RNF150: variants seen among roughly 807,000 people sequenced by gnomAD.
The protein encoded by RNF150 is ring finger protein 150.
In RNF150, 24 loss-of-function variants were observed where a neutral mutation model predicts 39.3. That is an observed-to-expected ratio of 0.61 (90% CI 0.44 to 0.86). RNF150 has a LOEUF of 0.86. RNF150 is among the 40% of genes least tolerant of loss of function. The pLI is 0.00. For synonymous variants in RNF150, 255 were observed against 227.3 expected, an observed-to-expected ratio of 1.12 and a Z score of -1.10; for missense variants, 502 against 587.8, an observed-to-expected ratio of 0.85 and a Z score of 1.51.
At chr4:141,034,771 CACA>C (rs1163981962) in intron 1 of RNF150, among the ~76,000 whole-genome samples, 1 of 152,090 alleles carries the variant, frequency 6.6e-6, no homozygotes, top group Non-Finnish European at 1.5e-5. Flanking sequence ...AGTCAGAAGA[CACA>C]ACATTTACCA....
chr4:141,015,316 T>C (rs1735229361), intron 1 of RNF150, among the ~76,000 whole-genome samples: 1 of 152,222 alleles, frequency 6.6e-6, no homozygotes, highest in Admixed American at 6.5e-5. Context: ...TATGATTCCA[T>C]ATGAATTTAA....
intron 5 of RNF150, among the ~76,000 whole-genome samples, chr4:140,916,489 T>C (rs1272094777): frequency 6.6e-6 from 1 of 151,840 alleles, no homozygotes; most frequent in Non-Finnish European, 1.5e-5. Flanking sequence ...AAGAGAAGTT[T>C]AGAGAAAAAA....
chr4:141,190,144 C>A (rs559369597), intron 1 of RNF150, among the ~76,000 whole-genome samples: 13 of 152,288 alleles, frequency 8.5e-5, no homozygotes, highest in African/African-American at 3.1e-4. Context: ...TGCTTGCCCT[C>A]CAGGGGCTGT....
chr4:140,973,748 G>A (rs1733554311), intron 1 of RNF150, among the ~76,000 whole-genome samples: 1 of 151,578 alleles, frequency 6.6e-6, no homozygotes, highest in South Asian at 2.1e-4. Flanking sequence ...ATGGTGGCGT[G>A]TGCCTGTAAT....
intron 1 of RNF150, among the ~76,000 whole-genome samples, chr4:141,010,409 A>G (rs6831686): frequency 0.88 from 134,083 of 152,184 alleles, 59,517 homozygotes; most frequent in East Asian, 1. Flanking sequence ...CTTATGCCAA[A>G]GGTTTTATTT....
chr4:141,091,125 A>T (rs1370077490), intron 1 of RNF150, among the ~76,000 whole-genome samples: 1 of 152,208 alleles, frequency 6.6e-6, no homozygotes, highest in Non-Finnish European at 1.5e-5. Context: ...GGAGAAACAC[A>T]GTTTGAATTC....
chr4:140,987,375 G>C (rs1734049955), intron 1 of RNF150, among the ~76,000 whole-genome samples: 1 of 151,942 alleles, frequency 6.6e-6, no homozygotes, highest in Non-Finnish European at 1.5e-5. Context: ...TATACTACAA[G>C]GTTACAGTAC....
chr4:140,899,409 C>A (rs1730087228), intron 6 of RNF150, among the ~76,000 whole-genome samples: 1 of 152,208 alleles, frequency 6.6e-6, no homozygotes, highest in African/African-American at 2.4e-5. Flanking sequence ...CATTTGTAGG[C>A]AGGCAGAGTC....
At chr4:140,955,297 T>C (rs1732707474) in intron 2 of RNF150, among the ~76,000 whole-genome samples, 1 of 152,204 alleles carries the variant, frequency 6.6e-6, no homozygotes, top group Non-Finnish European at 1.5e-5. Flanking sequence ...CATAAATCTG[T>C]TTGTGAGCAC....
intron 6 of RNF150, among the ~76,000 whole-genome samples, chr4:140,884,451 C>T (rs973748968): frequency 6.6e-5 from 10 of 152,142 alleles, no homozygotes; most frequent in African/African-American, 7.2e-5. Flanking sequence ...ACAGGTAGTT[C>T]GCCAACCAGC....
intron 6 of RNF150, 136 bp downstream of exon 6, chr4:140,911,008 G>T: frequency 1.4e-6 from 1 of 707,054 alleles, no homozygotes. Flanking sequence ...TCTAACAGCT[G>T]GCAGTTATAA....
chr4:140,912,104 T>C (rs1730630969), intron 5 of RNF150, among the ~76,000 whole-genome samples: 1 of 152,212 alleles, frequency 6.6e-6, no homozygotes, highest in South Asian at 2.1e-4. Flanking sequence ...CAATGGGAGC[T>C]CTCTGCTTTG....
At chr4:141,022,993 T>C (rs1231909534) in intron 1 of RNF150, among the ~76,000 whole-genome samples, 1 of 152,180 alleles carries the variant, frequency 6.6e-6, no homozygotes, top group Non-Finnish European at 1.5e-5. Flanking sequence ...ATCTGATCCT[T>C]AGTAGATAAA....
intron 5 of RNF150, among the ~76,000 whole-genome samples, chr4:140,915,936 G>A (rs925356696): frequency 6.6e-6 from 1 of 152,154 alleles, no homozygotes; most frequent in Non-Finnish European, 1.5e-5. Context: ...AGGCAAACAG[G>A]GTCTGGAGTG....
chr4:141,091,635 G>A (rs1013209605), intron 1 of RNF150, among the ~76,000 whole-genome samples: 6 of 152,290 alleles, frequency 3.9e-5, no homozygotes, highest in African/African-American at 1.4e-4. Context: ...GTACACAGGA[G>A]GGGGATCAAG....
At chr4:140,875,162 C>CTT (rs1560943059) in intron 6 of RNF150, among the ~76,000 whole-genome samples, 9 of 141,616 alleles carry the variant, frequency 6.4e-5, no homozygotes, top group African/African-American at 2.5e-4. Flanking sequence ...ACAATCATTA[C>CTT]GTTTTTTTTT....
chr4:140,910,491 A>T (rs1451781513), intron 6 of RNF150, among the ~76,000 whole-genome samples: 1 of 152,188 alleles, frequency 6.6e-6, no homozygotes, highest in African/African-American at 2.4e-5. Flanking sequence ...CAAACAGAAC[A>T]GCATTTAGTG....
In RNF150 at chr4:141,113,337, TAA is replaced by T. The variant is rs35017497; in HGVS notation, c.484+18986_484+18987del. Among the ~76,000 whole-genome samples the T allele has an allele frequency of 7.5e-3, 1,045 of 138,934 alleles. 3 individuals are homozygous for T. Among genetic ancestry groups the T allele is most frequent in the African/African-American group, 8.8e-3 (328 of 37,192 alleles). The allele number at this position is 138,934 out of a possible 152,430, so 91.1% of individuals were successfully genotyped here. On this transcript the variant is annotated intron_variant, in intron 1 of 6. Transcript: ENST00000515673. Reference sequence around the variant, plus strand: ...GAGGAATATTTAGCAAATGGAAAGTTAAAAAAAAAAAAAAAAGCAGGGGTTGC... The same window carrying T: ...GAGGAATATTTAGCAAATGGAAAGTTAAAAAAAAAAAAAAGCAGGGGTTGC...
At chr4:141,034,049 T>G (rs1736050598) in intron 1 of RNF150, among the ~76,000 whole-genome samples, 1 of 152,208 alleles carries the variant, frequency 6.6e-6, no homozygotes, top group South Asian at 2.1e-4. Context: ...AGGCACTGAC[T>G]TCTCTTCTCT....
Sources: allele counts gnomAD v4.1 joint callset (sites outside exome capture counted in the v4.1 genomes callset), GRCh38; gene constraint gnomAD v4.1.1; transcripts MANE v1.5; gene names NCBI Gene and HGNC (gene_info 2026-07-23, HGNC 2026-07-21).